The following ATOSA variants were observed in gnomAD, a reference collection of about 807,000 sequenced individuals.
ATOSA encodes the protein atos homolog A.
chr15:52,651,335 T>C, the ATOSA span, among the ~76,000 whole-genome samples: 31 of 152,186 alleles, frequency 2.0e-4, no homozygotes, highest in African/African-American at 7.5e-4. Context: ...CAATTTGAGG[T>C]AGGATTTTCA....
the ATOSA span, among the ~76,000 whole-genome samples, chr15:52,669,461 G>A: frequency 7.9e-5 from 12 of 152,068 alleles, no homozygotes; most frequent in African/African-American, 2.9e-4. Flanking sequence ...AGTAGAAATG[G>A]CCAATGATCT....
At chr15:52,622,216 A>G in the ATOSA span, among the ~76,000 whole-genome samples, 1 of 152,214 alleles carries the variant, frequency 6.6e-6, no homozygotes, top group Non-Finnish European at 1.5e-5. Context: ...CACAGGTAAC[A>G]GTATACTGGT....
the ATOSA span, chr15:52,657,946 ATGT>A: frequency 6.6e-6 from 1 of 152,180 alleles, no homozygotes; most frequent in Non-Finnish European, 1.5e-5. Context: ...GTCGATAGGG[ATGT>A]TGTCATGGGG....
chr15:52,654,021 G>T, the ATOSA span, among the ~76,000 whole-genome samples: 2 of 151,802 alleles, frequency 1.3e-5, no homozygotes, highest in Non-Finnish European at 2.9e-5. Context: ...AAAATTTTTT[G>T]GATTAATAAA....
the ATOSA span, among the ~76,000 whole-genome samples, chr15:52,638,739 A>G: frequency 2.0e-5 from 3 of 150,350 alleles, no homozygotes; most frequent in African/African-American, 4.9e-5. Context: ...GGTGGGTGGT[A>G]TCACTAACAG....
the ATOSA span, among the ~76,000 whole-genome samples, chr15:52,599,258 C>T: frequency 6.6e-6 from 1 of 152,110 alleles, no homozygotes; most frequent in Non-Finnish European, 1.5e-5. Context: ...GGTTGCTGAG[C>T]CACCCGACCC....
the ATOSA span, among the ~76,000 whole-genome samples, chr15:52,627,346 A>G: frequency 6.2e-4 from 94 of 152,346 alleles, 3 homozygotes; most frequent in Admixed American, 6.0e-3. Context: ...ATACCTTATT[A>G]TAATGCCCTG....
chr15:52,634,165 G>A, the ATOSA span, among the ~76,000 whole-genome samples: 1 of 152,196 alleles, frequency 6.6e-6, no homozygotes, highest in Admixed American at 6.5e-5. Flanking sequence ...AGGCATGGTG[G>A]CTCATGCCTG....
At chr15:52,699,413 C>T in the ATOSA span, among the ~76,000 whole-genome samples, 4 of 151,644 alleles carry the variant, frequency 2.6e-5, no homozygotes, top group African/African-American at 9.7e-5. Context: ...CTTGATGGGT[C>T]CTCCTCCTGG....
the ATOSA span, among the ~76,000 whole-genome samples, chr15:52,652,223 A>G: frequency 6.6e-6 from 1 of 152,218 alleles, no homozygotes; most frequent in Non-Finnish European, 1.5e-5. Context: ...AGGCAACTTG[A>G]AAGGAAAGAA....
the ATOSA span, among the ~76,000 whole-genome samples, chr15:52,612,556 G>C: frequency 1.4e-5 from 2 of 146,998 alleles, no homozygotes; most frequent in Non-Finnish European, 3.0e-5. Flanking sequence ...CCAGGCTGGA[G>C]TGTAATGGCA....
the ATOSA span, chr15:52,601,166 C>T: frequency 6.5e-7 from 1 of 1,526,778 alleles, no homozygotes; most frequent in Non-Finnish European, 8.8e-7. Flanking sequence ...TTTGAGGAAC[C>T]TAAGGTCAAA....
chr15:52,695,677 A>G, the ATOSA span, among the ~76,000 whole-genome samples: 3 of 152,244 alleles, frequency 2.0e-5, no homozygotes, highest in African/African-American at 4.8e-5. Context: ...GGTATGAGAT[A>G]TAAGAGGTAG....
chr15:52,585,752 A>C, the ATOSA span, among the ~76,000 whole-genome samples: 1 of 152,194 alleles, frequency 6.6e-6, no homozygotes, highest in Admixed American at 6.5e-5. Context: ...TTTTGAAACA[A>C]AACCCCAAGC....
the ATOSA span, chr15:52,601,155 C>T: frequency 3.3e-6 from 5 of 1,536,494 alleles, no homozygotes; most frequent in South Asian, 3.8e-5. Context: ...TTGTGTTTTT[C>T]TTTGAGGAAC....
chr15:52,582,005 T>C, the ATOSA span: 1 of 611,712 alleles, frequency 1.6e-6, no homozygotes, highest in Non-Finnish European at 2.6e-6. Flanking sequence ...ATATATGGAT[T>C]TCATTTCAGG....
the ATOSA span, among the ~76,000 whole-genome samples, chr15:52,602,945 C>A: frequency 6.6e-6 from 1 of 152,188 alleles, no homozygotes; most frequent in Non-Finnish European, 1.5e-5. Context: ...CTTGCTCTTA[C>A]ATAACATTAT....
chr15:52,599,696 G>C, the ATOSA span, among the ~76,000 whole-genome samples: 2 of 152,092 alleles, frequency 1.3e-5, no homozygotes, highest in African/African-American at 4.8e-5. Flanking sequence ...TGTTACTTTA[G>C]AATAGCTGCA....
At chr15:52,598,623 G>A in the ATOSA span, 1 of 152,102 alleles carries the variant, frequency 6.6e-6, no homozygotes, top group Admixed American at 6.5e-5. Flanking sequence ...TAAGACCTAT[G>A]GGTTGGATAG....
Sources: allele counts gnomAD v4.1 joint callset (sites outside exome capture counted in the v4.1 genomes callset), GRCh38; gene constraint gnomAD v4.1.1; transcripts MANE v1.5; gene names NCBI Gene and HGNC (gene_info 2026-07-23, HGNC 2026-07-21).